SPRY3: variants seen among roughly 807,000 people sequenced by gnomAD.
The protein encoded by SPRY3 is protein sprouty homolog 3.
SPRY3 carries 15 observed loss-of-function variants against 20.2 expected under a neutral mutation model. The observed-to-expected ratio is 0.74, with a 90% CI of 0.50 to 1.14. The LOEUF (loss-of-function observed/expected upper bound fraction) is 1.14. Ranked by LOEUF, SPRY3 falls within the 50% of genes most tolerant of loss-of-function variation. The probability of loss-of-function intolerance (pLI) is 0.00; values close to 1 mark genes in which losing one functional copy is unlikely to be tolerated. For missense variants in SPRY3, 364 were observed against 363.9 expected (o/e 1.00, Z 0.00); for synonymous variants, 143 against 136.5 (o/e 1.05, Z -0.33).
At chrX:155,637,063 T>G in intron 1 of SPRY3, among the ~76,000 whole-genome samples, 1 of 98,413 alleles carries the variant, frequency 1.0e-5, no homozygotes, top group African/African-American at 3.7e-5. Context: ...AGGGATAGCA[T>G]TGGGAGATAT....
intron 2 of SPRY3, among the ~76,000 whole-genome samples, chrX:155,739,376 T>C (rs306903): frequency 0.39 from 59,026 of 151,938 alleles, 8,689 homozygotes; most frequent in South Asian, 0.53. Context: ...GACAGCATTT[T>C]CACCTGCTGG....
intron 1 of SPRY3, among the ~76,000 whole-genome samples, chrX:155,651,027 A>G (rs1286799114): frequency 9.0e-6 from 1 of 110,608 alleles, no homozygotes; most frequent in Admixed American, 9.6e-5. Context: ...CCCACCAACA[A>G]TGTATCAGTG....
chrX:155,704,574 A>T (rs2090935778), intron 2 of SPRY3, among the ~76,000 whole-genome samples: 1 of 151,836 alleles, frequency 6.6e-6, no homozygotes, highest in Non-Finnish European at 1.5e-5. Flanking sequence ...CACCAAAGAA[A>T]AAGAGAGAAA....
chrX:155,751,046 G>A (rs1470890946), intron 2 of SPRY3, among the ~76,000 whole-genome samples: 2 of 151,734 alleles, frequency 1.3e-5, no homozygotes, highest in African/African-American at 4.8e-5. Flanking sequence ...TGTGTAGAGT[G>A]AATGGCAGTA....
At chrX:155,738,125 G>C (rs1426166424) in intron 2 of SPRY3, among the ~76,000 whole-genome samples, 1 of 152,034 alleles carries the variant, frequency 6.6e-6, no homozygotes, top group East Asian at 1.9e-4. Flanking sequence ...GGAACTACAG[G>C]TGGATAAAGA....
chrX:155,715,818 T>C (rs1464062833), intron 2 of SPRY3, among the ~76,000 whole-genome samples: 1 of 152,162 alleles, frequency 6.6e-6, no homozygotes, highest in East Asian at 1.9e-4. Flanking sequence ...GAGCCCAGCA[T>C]GTCTTTATTC....
chrX:155,621,969 C>T (rs782461762), intron 1 of SPRY3, among the ~76,000 whole-genome samples: 1 of 111,785 alleles, frequency 8.9e-6, no homozygotes, highest in East Asian at 2.8e-4. Context: ...AAAGGCTACC[C>T]GCAAAGGGCA....
intron 2 of SPRY3, among the ~76,000 whole-genome samples, chrX:155,696,256 CAG>C (rs1217974455): frequency 1.2e-3 from 120 of 102,722 alleles, no homozygotes; most frequent in Admixed American, 8.5e-4. Context: ...CATATATATA[CAG>C]AGAGAGAGAG....
At chrX:155,706,266 A>G (rs933418726) in intron 2 of SPRY3, among the ~76,000 whole-genome samples, 2 of 151,288 alleles carry the variant, frequency 1.3e-5, no homozygotes, top group African/African-American at 4.8e-5. Context: ...AAGTCACCCA[A>G]TGATCAGAGA....
At chrX:155,773,772 C>G in exon 4 of SPRY3, 2 of 1,377,216 alleles carry the variant, frequency 1.5e-6, no homozygotes, top group Non-Finnish European at 1.0e-6. Context: ...CTAGGATTTT[C>G]TCATGTGCCC....
At chrX:155,687,296 C>T (rs2068090394) in intron 2 of SPRY3, among the ~76,000 whole-genome samples, 1 of 112,715 alleles carries the variant, frequency 8.9e-6, no homozygotes, top group South Asian at 3.6e-4. Flanking sequence ...CCCAACTTGG[C>T]TTAGGCTTTG....
intron 2 of SPRY3, among the ~76,000 whole-genome samples, chrX:155,692,166 TA>T (rs1267799637): frequency 1.6e-4 from 18 of 109,514 alleles, no homozygotes; most frequent in African/African-American, 4.8e-4. Flanking sequence ...AAAGAGGGAA[TA>T]GTAAATGGGT....
intron 2 of SPRY3, among the ~76,000 whole-genome samples, chrX:155,760,459 A>C (rs2091299699): frequency 6.6e-6 from 1 of 152,170 alleles, no homozygotes; most frequent in Admixed American, 6.5e-5. Context: ...CAGATTCTTA[A>C]CCAGGTTTCA....
chrX:155,629,338 AT>A (rs1448247977), intron 1 of SPRY3, among the ~76,000 whole-genome samples: 2 of 110,334 alleles, frequency 1.8e-5, no homozygotes, highest in South Asian at 7.9e-4. Flanking sequence ...ACATGAACTC[AT>A]CCTTTTTTAT....
At chrX:155,707,248 G>C (rs1453075897) in intron 2 of SPRY3, among the ~76,000 whole-genome samples, 1 of 151,070 alleles carries the variant, frequency 6.6e-6, no homozygotes. Flanking sequence ...TTTATTTATG[G>C]ATCGTTTGGA....
At chrX:155,625,425 A>G (rs782611465) in intron 1 of SPRY3, among the ~76,000 whole-genome samples, 1 of 111,823 alleles carries the variant, frequency 8.9e-6, no homozygotes, top group South Asian at 3.7e-4. Context: ...ACCACATGCA[A>G]TTATTACAAC....
intron 3 of SPRY3, 101 bp from the exon 3 acceptor site, chrX:155,773,665 T>A (rs1033021130): frequency 6.6e-6 from 4 of 605,008 alleles, no homozygotes; most frequent in Non-Finnish European, 1.2e-5. Flanking sequence ...TGTAAAGTAA[T>A]TGAAGGTAGT....
chrX:155,734,401 A>G (rs1327935960), intron 2 of SPRY3, among the ~76,000 whole-genome samples: 2 of 152,088 alleles, frequency 1.3e-5, no homozygotes, highest in African/African-American at 4.8e-5. Flanking sequence ...CTTTGCTGTC[A>G]TATATGAGTG....
intron 2 of SPRY3, among the ~76,000 whole-genome samples, chrX:155,662,608 A>C (rs1557353814): frequency 9.7e-6 from 1 of 103,586 alleles, no homozygotes; most frequent in Admixed American, 1.1e-4. Context: ...GACTAGAAAT[A>C]AGGCCTTGGA....
Sources: allele counts gnomAD v4.1 joint callset (sites outside exome capture counted in the v4.1 genomes callset), GRCh38; gene constraint gnomAD v4.1.1; transcripts MANE v1.5; gene names NCBI Gene and HGNC (gene_info 2026-07-23, HGNC 2026-07-21).